ZMYM4: variants seen among roughly 807,000 people sequenced by gnomAD.
ZMYM4 encodes the protein zinc finger MYM-type containing 4.
Under a neutral mutation model 183.2 loss-of-function variants are expected in ZMYM4, and 31 were observed. That is an observed-to-expected ratio of 0.17 (90% CI 0.13 to 0.23). The LOEUF (loss-of-function observed/expected upper bound fraction) is 0.23. Among genes scored for constraint, ZMYM4 ranks in the 10% least tolerant of loss-of-function variants. The probability of loss-of-function intolerance (pLI) is 1.00; values close to 1 mark genes in which losing one functional copy is unlikely to be tolerated. For synonymous variants in ZMYM4, 592 were observed against 631.2 expected, an observed-to-expected ratio of 0.94 and a Z score of 0.93; for missense variants, 1,273 against 1,840.3, an observed-to-expected ratio of 0.69 and a Z score of 5.64.
intron 1 of ZMYM4, among the ~76,000 whole-genome samples, chr1:35,315,603 C>T (rs927040254): frequency 1.3e-5 from 2 of 151,880 alleles, no homozygotes; most frequent in African/African-American, 2.4e-5. Context: ...AATAAAAATG[C>T]GAAAAGAAGA....
chr1:35,307,746 G>A (rs999511349), intron 1 of ZMYM4, among the ~76,000 whole-genome samples: 3 of 151,806 alleles, frequency 2.0e-5, no homozygotes, highest in African/African-American at 7.3e-5. Context: ...GTGTTAGCTA[G>A]GATGGTCTCG....
At position 35,398,434 on chromosome 1, in the gene ZMYM4, A is replaced by T; in HGVS notation, c.3221A>T (p.Glu1074Val). 6.2e-7 allele frequency: 1 copy of T among 1,611,772 alleles called. No homozygotes were observed. Among genetic ancestry groups the T allele is most frequent in the Non-Finnish European group, 8.5e-7 (1 of 1,179,194 alleles). ...SQGESQTSEH[E>V]LFLDTKIFEK... The stretch of plus-strand genomic sequence containing the variant: ...TTAGAGTCCCAAACTTCTGAACACG[A>T]ACTCTTTCTAGACACCAAGATATTT... Residue 1074 changes from glutamate (E) to valine (V), a missense_variant, in exon 21 of 30, where the codon GAA becomes GTA. By Grantham distance (121) the Glu-to-Val change is moderately radical. Coordinates refer to ENST00000314607, the MANE Select transcript of ZMYM4 (RefSeq NM_005095.3).
At chr1:35,401,207 C>A (rs1004901617) in intron 23 of ZMYM4, among the ~76,000 whole-genome samples, 1 of 152,210 alleles carries the variant, frequency 6.6e-6, no homozygotes, top group Admixed American at 6.5e-5. Flanking sequence ...AGCTGCCAGA[C>A]TGTTTTCCAA....
In ZMYM4 at chr1:35,350,809, TA is replaced by T. The variant is rs1643577038; in HGVS notation, c.86-8115del. The T allele has an allele frequency of 4.5e-5, 23 of 510,896 alleles. No homozygotes were observed. In the South Asian group the frequency reaches 4.8e-4, roughly 11 times the overall value. The allele number at this position is 510,896 out of a possible 1,614,324, so 31.6% of individuals were successfully genotyped here. On this transcript the variant is annotated intron_variant, in intron 2 of 29. Coordinates refer to ENST00000314607, the MANE Select transcript of ZMYM4 (RefSeq NM_005095.3). ...AAGATGACGAGAGGGTAAAACTGATTACTATGCTTGGAAACGCTTAGTGATA... is the reference window on the plus strand; with the variant it reads ...AAGATGACGAGAGGGTAAAACTGATTCTATGCTTGGAAACGCTTAGTGATA...
intron 1 of ZMYM4, among the ~76,000 whole-genome samples, chr1:35,289,767 C>G (rs1484801004): frequency 6.6e-6 from 1 of 152,148 alleles, no homozygotes; most frequent in Non-Finnish European, 1.5e-5. Flanking sequence ...TATCTCCAGA[C>G]ATTACCAGTA....
intron 1 of ZMYM4, among the ~76,000 whole-genome samples, chr1:35,294,512 G>T (rs553150346): frequency 1.3e-5 from 2 of 152,248 alleles, no homozygotes; most frequent in African/African-American, 4.8e-5. Context: ...ATAGAACCTT[G>T]TTCTATAGTA....
At chr1:35,367,388 C>A (rs928483893) in intron 5 of ZMYM4, among the ~76,000 whole-genome samples, 1 of 151,802 alleles carries the variant, frequency 6.6e-6, no homozygotes, top group South Asian at 2.1e-4. Flanking sequence ...ACCACCACAC[C>A]CCGCTGATTT....
intron 26 of ZMYM4, among the ~76,000 whole-genome samples, chr1:35,411,452 G>A (rs1055734732): frequency 6.6e-6 from 1 of 152,084 alleles, no homozygotes; most frequent in Non-Finnish European, 1.5e-5. Context: ...ACTGTGCCCG[G>A]CCCTAATCCA....
At chr1:35,393,888 T>C (rs1325216833) in intron 18 of ZMYM4, 149 bp downstream of exon 18, 2 of 910,594 alleles carry the variant, frequency 2.2e-6, no homozygotes, top group East Asian at 6.1e-5. Flanking sequence ...TCCCCGTGAG[T>C]TAGGTATTTT....
At position 35,415,696 on chromosome 1, in the gene ZMYM4, A is replaced by G. The variant is rs769729593; in HGVS notation, c.4291A>G (p.Lys1431Glu). ...TYLRFFPPLQ[K>E]QESEPDKLTV... ...TCTGAGGTTCTTCCCACCTTTACAG[A>G]AGCAGGAGTCAGAACCAGGTACGGG... Residue 1431 changes from lysine to glutamate, a missense_variant, in exon 28 of 30, where the codon AAG becomes GAG. Lys to Glu is a moderately conservative substitution (Grantham distance 56). Around this residue, in one of 6 missense-constraint regions of ZMYM4, gnomAD observed 145 missense variants for 331.6 expected, o/e 0.44. Transcript: ENST00000314607. The G allele has an allele frequency of 6.2e-7, 1 of 1,612,698 alleles. No individual in the cohort carries two copies. Among genetic ancestry groups the G allele is most frequent in the South Asian group, 1.1e-5 (1 of 91,084 alleles).
rs1366886543 is a variant in ZMYM4, at chr1:35,352,269, G to GCGCGCGCACACACA, written c.86-6655_86-6654insGCGCGCACACACAC. ...TAAAAATTAGCGCGCACGCGCGCGC[G>GCGCGCGCACACACA]CACACACACACACACACACACACAC... On this transcript the variant is annotated intron_variant, in intron 2 of 29. Coordinates refer to ENST00000314607, the MANE Select transcript of ZMYM4 (RefSeq NM_005095.3). 1.8e-4 allele frequency among the ~76,000 whole-genome samples: 23 copies of GCGCGCGCACACACA among 124,582 alleles called. 1 individual carries two copies. The highest frequency in any genetic ancestry group is 7.3e-4 in the African/African-American group (22 of 30,110). 81.7% of individuals were successfully genotyped at this position (124,582 alleles called of 152,430 possible).
chr1:35,418,330 G>A, intron 28 of ZMYM4, 113 bp from the exon 29 acceptor site: 1 of 1,172,326 alleles, frequency 8.5e-7, no homozygotes, highest in East Asian at 2.6e-5. Flanking sequence ...GTGAGTGAGT[G>A]AAAGGGAGGA....
rs1339805291 is a variant in ZMYM4 at position 35,359,091 on chromosome 1, C to T, written c.252C>T (p.Val84=). Residue 84 remains valine, a synonymous_variant, in exon 3 of 30, where the codon GTC becomes GTT. Transcript: ENST00000314607. ...CTGGGGATCTTGCAGGAATTCCAGT[C>T]GTTGGTAGTGACAATGAGGATGAAC... is the stretch of plus-strand genomic sequence containing the variant. The part of the protein sequence containing the change: ...LNSGDLAGIP[V]VGSDNEDEQD... The T allele has an allele frequency of 8.1e-6, 13 of 1,613,508 alleles. No individual in the cohort carries two copies. The highest frequency in any genetic ancestry group is 1.3e-5 in the African/African-American group (1 of 74,852).
intron 23 of ZMYM4, 131 bp downstream of exon 23, chr1:35,399,707 T>G (rs1644869125): frequency 1.5e-5 from 13 of 891,620 alleles, no homozygotes; most frequent in Non-Finnish European, 2.2e-5. Flanking sequence ...CAACTTTTGT[T>G]TTTTGAATTC....
At chr1:35,317,360 G>A (rs1247121020) in intron 1 of ZMYM4, among the ~76,000 whole-genome samples, 1 of 152,112 alleles carries the variant, frequency 6.6e-6, no homozygotes, top group African/African-American at 2.4e-5. Flanking sequence ...TTGAACCCGG[G>A]AGGTGGAGGC....
At chr1:35,283,165 C>T (rs1570244513) in intron 1 of ZMYM4, among the ~76,000 whole-genome samples, 1 of 130,510 alleles carries the variant, frequency 7.7e-6, no homozygotes, top group Admixed American at 7.9e-5. Context: ...GCCATCATGC[C>T]TGGCTAATTT....
At chr1:35,397,865 A>T (rs1224939913) in intron 20 of ZMYM4, among the ~76,000 whole-genome samples, 2 of 152,218 alleles carry the variant, frequency 1.3e-5, no homozygotes, top group African/African-American at 4.8e-5. Flanking sequence ...CTGTTATATA[A>T]TAACCAGCAT....
In ZMYM4 at chr1:35,394,162, C is replaced by CTTT. The variant is rs34277367; in HGVS notation, c.2911+451_2911+453dup. Among the ~76,000 whole-genome samples, 278 of 68,430 alleles carry CTTT rather than the reference C, an allele frequency of 4.1e-3. 16 individuals carry two copies. The highest frequency in any genetic ancestry group is 6.1e-3 in the Non-Finnish European group (226 of 36,976). 44.9% of individuals were successfully genotyped at this position (68,430 alleles called of 152,430 possible). On this transcript the variant is annotated intron_variant, in intron 18 of 29. Coordinates refer to ENST00000314607, the MANE Select transcript of ZMYM4 (RefSeq NM_005095.3). ...CCTTTGAGGAGAGCTTCAGAGCTTTCTTTTTTTTTTTTTTTTTTTTTTTTT... is the reference window on the plus strand; with the variant it reads ...CCTTTGAGGAGAGCTTCAGAGCTTTCTTTTTTTTTTTTTTTTTTTTTTTTTTTT...
At position 35,398,964 on chromosome 1, in the gene ZMYM4, T is replaced by A; in HGVS notation, c.3354T>A (p.Ala1118=). The A allele has an allele frequency of 1.2e-6, 2 of 1,614,136 alleles. No homozygotes were observed. Among genetic ancestry groups the A allele is most frequent in the Admixed American group, 3.3e-5 (2 of 60,026 alleles). ...ELNHYALKSN[A]VQEADSELKQ... ...ATCACTATGCCTTAAAGTCAAATGC[T>A]GTGCAAGAGGCTGATTCAGAATTGA... The change falls in exon 22 of 30, where the codon GCT becomes GCA. Residue 1118 remains alanine (A), a synonymous_variant. Coordinates refer to ENST00000314607, the MANE Select transcript of ZMYM4 (RefSeq NM_005095.3).
Sources: allele counts gnomAD v4.1 joint callset (sites outside exome capture counted in the v4.1 genomes callset), GRCh38; gene constraint gnomAD v4.1.1; regional missense constraint gnomAD v4.1.1; transcripts MANE v1.5; gene names NCBI Gene and HGNC (gene_info 2026-07-23, HGNC 2026-07-21).